GPHN: variants seen among roughly 807,000 people sequenced by gnomAD.
GPHN encodes gephyrin.
GPHN carries 17 observed loss-of-function variants against 95.5 expected under a neutral mutation model. The observed-to-expected ratio is 0.18, with a 90% CI of 0.12 to 0.27. The LOEUF (loss-of-function observed/expected upper bound fraction) is 0.27. Among genes scored for constraint, GPHN ranks in the 10% least tolerant of loss-of-function variants. GPHN has a pLI of 1.00. For missense variants in GPHN, 660 were observed against 978.1 expected, an observed-to-expected ratio of 0.67 and a Z score of 4.34; for synonymous variants, 320 against 322.5, an observed-to-expected ratio of 0.99 and a Z score of 0.08.
the GPHN span, among the ~76,000 whole-genome samples, chr14:67,618,484 C>T: frequency 6.6e-6 from 1 of 152,134 alleles, no homozygotes; most frequent in African/African-American, 2.4e-5. Flanking sequence ...AGAGATTCTC[C>T]CACTTTAGCC....
rs2057858557 is a variant in GPHN at position 66,508,148 on chromosome 14, CT to C, written c.-377del. 1 of 452,200 alleles carries C rather than the reference CT, an allele frequency of 2.2e-6. No homozygotes were observed. The highest frequency in any genetic ancestry group is 4.1e-6 in the Non-Finnish European group (1 of 244,030). The allele number at this position is 452,200 out of a possible 1,614,324, so 28.0% of individuals were successfully genotyped here. A position where few individuals can be genotyped will look rare whatever the true frequency, so the allele number is the denominator to read the frequency against. ...CGCAACCTCCAGAGCGTGTGCTATCCTTTCCTCTCAGTCCTGCCATCTAGCT... is the reference window on the plus strand; with the variant it reads ...CGCAACCTCCAGAGCGTGTGCTATCCTTCCTCTCAGTCCTGCCATCTAGCT... On this transcript the variant is annotated 5_prime_UTR_variant, in exon 1 of 23. Coordinates refer to ENST00000478722, the MANE Select transcript of GPHN (RefSeq NM_020806.5).
At chr14:67,380,732 C>T in the GPHN span, 1 of 1,569,566 alleles carries the variant, frequency 6.4e-7, no homozygotes, top group Non-Finnish European at 8.6e-7. Flanking sequence ...TATTAATAGG[C>T]GCTTGACCCC....
chr14:67,105,577 T>G (rs942404375), intron 13 of GPHN, among the ~76,000 whole-genome samples: 8 of 152,182 alleles, frequency 5.3e-5, no homozygotes, highest in African/African-American at 1.9e-4. Flanking sequence ...TTTATAATTA[T>G]AGAATGACCT....
chr14:67,178,039 T>C (rs1193294205), intron 21 of GPHN, among the ~76,000 whole-genome samples: 2 of 152,246 alleles, frequency 1.3e-5, no homozygotes, highest in East Asian at 3.8e-4. Flanking sequence ...TATCTTTTAA[T>C]TGGGGCATTT....
At chr14:67,427,436 G>C in the GPHN span, among the ~76,000 whole-genome samples, 2 of 152,158 alleles carry the variant, frequency 1.3e-5, no homozygotes, top group East Asian at 3.9e-4. Context: ...GGCGGGCCCT[G>C]GGTTCCAACG....
intron 4 of GPHN, among the ~76,000 whole-genome samples, chr14:66,835,681 G>A (rs1271478970): frequency 6.6e-6 from 1 of 152,044 alleles, no homozygotes; most frequent in East Asian, 1.9e-4. Flanking sequence ...TGACATGATT[G>A]TATATCTAGA....
chr14:66,983,268 T>C (rs946903964), intron 9 of GPHN, among the ~76,000 whole-genome samples: 3 of 152,038 alleles, frequency 2.0e-5, no homozygotes, highest in African/African-American at 7.2e-5. Context: ...ATAATAATAA[T>C]AATCAAGCAT....
intron 1 of GPHN, among the ~76,000 whole-genome samples, chr14:66,559,960 C>T (rs1011727702): frequency 1.3e-5 from 2 of 152,176 alleles, no homozygotes; most frequent in Admixed American, 6.5e-5. Context: ...CTCCATATGG[C>T]TAGCTAGTTT....
At chr14:67,032,836 C>T (rs1010376236) in intron 10 of GPHN, among the ~76,000 whole-genome samples, 1 of 152,038 alleles carries the variant, frequency 6.6e-6, no homozygotes, top group African/African-American at 2.4e-5. Context: ...TCTCAAATGA[C>T]TAAAACTCAG....
chr14:67,487,767 TA>T, the GPHN span, among the ~76,000 whole-genome samples: 1 of 152,106 alleles, frequency 6.6e-6, no homozygotes, highest in South Asian at 2.1e-4. Context: ...ATACAAATCT[TA>T]CTTTATAATG....
At chr14:67,577,384 C>T in the GPHN span, 1 of 1,589,504 alleles carries the variant, frequency 6.3e-7, no homozygotes. Context: ...CCTCTGAGGC[C>T]TTGCAGACGG....
chr14:67,573,530 C>G, the GPHN span: 1 of 650,224 alleles, frequency 1.5e-6, no homozygotes. This position sits in a 1 kb window ranked among gnomAD's most constrained non-coding sequence, Gnocchi z 4.8. Flanking sequence ...CCTCACTGGG[C>G]CCCTGAGGCT....
the GPHN span, among the ~76,000 whole-genome samples, chr14:67,273,723 G>A: frequency 6.6e-6 from 1 of 152,158 alleles, no homozygotes; most frequent in Non-Finnish European, 1.5e-5. Context: ...GGTTGAACTA[G>A]TTTACACTCC....
chr14:67,292,469 C>T, the GPHN span: 4 of 1,359,394 alleles, frequency 2.9e-6, no homozygotes, highest in Non-Finnish European at 4.2e-6. Context: ...TGAATTAATA[C>T]TGAAACAGTT....
the GPHN span, among the ~76,000 whole-genome samples, chr14:67,474,474 G>T: frequency 6.6e-6 from 1 of 152,046 alleles, no homozygotes; most frequent in African/African-American, 2.4e-5. Context: ...CTATCCACTG[G>T]GGACCCCATT....
the GPHN span, among the ~76,000 whole-genome samples, chr14:67,442,958 C>G: frequency 6.6e-6 from 1 of 152,152 alleles, no homozygotes. Context: ...GGTGGCTCAT[C>G]CCTGTAATCC....
the GPHN span, chr14:67,562,473 C>T: frequency 6.2e-7 from 1 of 1,613,754 alleles, no homozygotes; most frequent in Non-Finnish European, 8.5e-7. Context: ...AGTTCAGCTT[C>T]CTGGGGTGAG....
the GPHN span, chr14:67,321,299 GAATGTCATATAGA>G: frequency 6.3e-7 from 1 of 1,594,482 alleles, no homozygotes. Flanking sequence ...AACTTAGAAG[GAATGTCATATAGA>G]GTAATCTAGT....
At chr14:66,642,565 T>TTG (rs2064480796) in intron 1 of GPHN, among the ~76,000 whole-genome samples, 1 of 151,708 alleles carries the variant, frequency 6.6e-6, no homozygotes, top group African/African-American at 2.4e-5. Flanking sequence ...TTTTGTTTTT[T>TTG]TTTTTTTTGA....
Sources: allele counts gnomAD v4.1 joint callset (sites outside exome capture counted in the v4.1 genomes callset), GRCh38; gene constraint gnomAD v4.1.1; non-coding constraint Gnocchi (gnomAD v3.1); transcripts MANE v1.5; gene names NCBI Gene and HGNC (gene_info 2026-07-23, HGNC 2026-07-21).